The following EPCAM variants were observed in gnomAD, a reference collection of about 807,000 sequenced individuals.
EPCAM encodes the protein adenocarcinoma-associated antigen.
EPCAM carries 39 observed loss-of-function variants against 40.0 expected under a neutral mutation model. The ratio of observed to expected loss-of-function variants is 0.98; its 90% CI spans 0.76 to 1.27. The LOEUF (loss-of-function observed/expected upper bound fraction) is 1.27, where lower values mean the gene tolerates loss of function less well. EPCAM is among the 50% of genes most tolerant of loss of function. The pLI is 0.00. For missense variants in EPCAM, 503 were observed against 381.2 expected (o/e 1.32, Z -2.66); for synonymous variants, 168 against 132.3 (o/e 1.27, Z -1.85).
chr2:47,369,714 C>CG lies in EPCAM; in HGVS notation c.76+135dup, dbSNP rs144077629. The CG allele has an allele frequency of 0.087, 84,065 of 963,994 alleles. 4,685 individuals carry two copies. Among genetic ancestry groups the CG allele is most frequent in the East Asian group, 0.26 (9,772 of 38,168 alleles). The allele number at this position is 963,994 out of a possible 1,614,324, so 59.7% of individuals were successfully genotyped here. A position where few individuals can be genotyped will look rare whatever the true frequency, so the allele number is the denominator to read the frequency against. On this transcript the variant is annotated intron_variant, in intron 1 of 8. Transcript: ENST00000263735. ...CGCGCTTTCCAGCGTGGAGACCGGA[C>CG]GGTGCGGCCGTGCTCCGGCTCAGGC...
At chr2:47,379,537 A>G (rs924675912) in intron 6 of EPCAM, among the ~76,000 whole-genome samples, 1 of 152,210 alleles carries the variant, frequency 6.6e-6, no homozygotes, top group African/African-American at 2.4e-5. Flanking sequence ...TTGGCCTTGC[A>G]TCTGGGTGAT....
chr2:47,378,377 C>T (rs959260951), intron 5 of EPCAM, among the ~76,000 whole-genome samples: 1 of 150,808 alleles, frequency 6.6e-6, no homozygotes, highest in Non-Finnish European at 1.5e-5. Flanking sequence ...TCTCGGCTCA[C>T]CACGACTTTT....
intron 1 of EPCAM, among the ~76,000 whole-genome samples, chr2:47,372,976 C>T (rs891208625): frequency 2.6e-5 from 4 of 151,862 alleles, no homozygotes; most frequent in South Asian, 2.1e-4. Flanking sequence ...GAGGCTGAGG[C>T]AGGAGGATTG....
chr2:47,385,246 T>G (rs1256736956), intron 8 of EPCAM, 36 bp downstream of exon 8: 1 of 1,532,072 alleles, frequency 6.5e-7, no homozygotes, highest in Non-Finnish European at 9.0e-7. Context: ...AAAGGCCCTG[T>G]TGAATCTCTT....
intron 8 of EPCAM, among the ~76,000 whole-genome samples, chr2:47,385,963 G>A (rs1475853916): frequency 6.6e-6 from 1 of 152,146 alleles, no homozygotes; most frequent in Admixed American, 6.6e-5. Flanking sequence ...TAGTGTTGCA[G>A]TGCAGAGCAG....
intron 4 of EPCAM, among the ~76,000 whole-genome samples, chr2:47,375,633 T>C (rs1671402637): frequency 6.6e-6 from 1 of 152,150 alleles, no homozygotes; most frequent in Non-Finnish European, 1.5e-5. Flanking sequence ...CCTAAGTACT[T>C]CAGTGTATGT....
chr2:47,380,341 A>G (rs915664126), intron 7 of EPCAM, among the ~76,000 whole-genome samples: 1 of 152,176 alleles, frequency 6.6e-6, no homozygotes, highest in African/African-American at 2.4e-5. Context: ...AGGAAATATG[A>G]AAAAGTAACA....
intron 1 of EPCAM, chr2:47,369,858 T>C: frequency 5.3e-6 from 3 of 570,006 alleles, no homozygotes; most frequent in Non-Finnish European, 1.0e-5. Context: ...GGGAACGGAG[T>C]GGCCACGTCC....
At position 47,369,497 on chromosome 2, in the gene EPCAM, G is replaced by C. The variant is rs2103737878; in HGVS notation, c.-9G>C. 6.5e-7 allele frequency: 1 copy of C among 1,531,872 alleles called. No individual in the cohort carries two copies. Among genetic ancestry groups the C allele is most frequent in the Non-Finnish European group, 8.7e-7 (1 of 1,144,452 alleles). The allele number at this position is 1,531,872 out of a possible 1,614,324, so 94.9% of individuals were successfully genotyped here. A position where few individuals can be genotyped will look rare whatever the true frequency, so the allele number is the denominator to read the frequency against. On this transcript the variant is annotated 5_prime_UTR_variant, in exon 1 of 9. Coordinates refer to ENST00000263735, the MANE Select transcript of EPCAM (RefSeq NM_002354.3). ...CCTCCCGCGCCCCTCTTCTCGGCGCGCGCGCAGCATGGCGCCCCCGCAGGT... is the reference window on the plus strand; with the variant it reads ...CCTCCCGCGCCCCTCTTCTCGGCGCCCGCGCAGCATGGCGCCCCCGCAGGT...
rs2103771059 is a variant in EPCAM at position 47,386,655 on chromosome 2, G to A, written c.*42G>A. ...TTATAGAAGAAGGGAAATAGCAAATGGACACAAATTACAAATGTGTGTGCG... is the reference window on the plus strand; with the variant it reads ...TTATAGAAGAAGGGAAATAGCAAATAGACACAAATTACAAATGTGTGTGCG... On this transcript the variant is annotated 3_prime_UTR_variant, in exon 9 of 9. Transcript: ENST00000263735. 1 of 1,468,170 alleles carries A rather than the reference G, an allele frequency of 6.8e-7. No individual in the cohort carries two copies. The highest frequency in any genetic ancestry group is 9.5e-7 in the Non-Finnish European group (1 of 1,048,966). 90.9% of individuals were successfully genotyped at this position (1,468,170 alleles called of 1,614,324 possible).
chr2:47,377,997 C>G (rs972079032), intron 5 of EPCAM, among the ~76,000 whole-genome samples: 1 of 151,988 alleles, frequency 6.6e-6, no homozygotes, highest in Admixed American at 6.6e-5. Context: ...CTTTGGGAGG[C>G]CGAGGCAGGT....
chr2:47,377,149 A>G, intron 5 of EPCAM, 72 bp downstream of exon 5: 1 of 988,882 alleles, frequency 1.0e-6, no homozygotes, highest in African/African-American at 1.6e-5. Context: ...AAGGACAGCC[A>G]GTGATTTAAG....
chr2:47,378,227 G>A (rs867738561), intron 5 of EPCAM, among the ~76,000 whole-genome samples: 6 of 151,466 alleles, frequency 4.0e-5, no homozygotes, highest in Non-Finnish European at 8.8e-5. Context: ...GCAAGACTCC[G>A]TCTCAAAAAC....
intron 1 of EPCAM, among the ~76,000 whole-genome samples, chr2:47,370,233 C>T (rs910785402): frequency 1.3e-5 from 2 of 152,092 alleles, no homozygotes; most frequent in Admixed American, 6.6e-5. Flanking sequence ...TTTGAGAATC[C>T]CATAATTAGT....
chr2:47,382,512 C>T (rs776163418), intron 7 of EPCAM, among the ~76,000 whole-genome samples: 11 of 152,068 alleles, frequency 7.2e-5, no homozygotes, highest in East Asian at 1.9e-4. Context: ...CACGGAGAAA[C>T]CCCGTCTCTA....
intron 1 of EPCAM, among the ~76,000 whole-genome samples, chr2:47,370,097 C>A (rs2103739418): frequency 6.6e-6 from 1 of 152,344 alleles, no homozygotes; most frequent in Admixed American, 6.5e-5. Context: ...GCGCGGCAGG[C>A]GGCCCGGACC....
intron 7 of EPCAM, among the ~76,000 whole-genome samples, chr2:47,384,873 A>C (rs1671696695): frequency 6.6e-6 from 1 of 151,838 alleles, no homozygotes. Flanking sequence ...CACCTGGCTA[A>C]TTTTTGTATT....
chr2:47,381,085 C>CA lies in EPCAM; in HGVS notation c.858+1145dup, dbSNP rs60299402. Reference sequence around the variant, plus strand: ...TGGGTGACAGAGCAAGACTCTGTCTCAAAAAAAAAAAAAAAAAAAAAAAAA... The same window carrying CA: ...TGGGTGACAGAGCAAGACTCTGTCTCAAAAAAAAAAAAAAAAAAAAAAAAAA... On this transcript the variant is annotated intron_variant, in intron 7 of 8. Coordinates refer to ENST00000263735, the MANE Select transcript of EPCAM (RefSeq NM_002354.3). Among the ~76,000 whole-genome samples, 18 of 39,014 alleles carry CA rather than the reference C, an allele frequency of 4.6e-4. 2 individuals carry two copies. The highest frequency in any genetic ancestry group is 6.0e-4 in the Non-Finnish European group (14 of 23,218). 25.6% of individuals were successfully genotyped at this position (39,014 alleles called of 152,430 possible). A position where few individuals can be genotyped will look rare whatever the true frequency, so the allele number is the denominator to read the frequency against.
At chr2:47,380,720 C>T (rs1671563558) in intron 7 of EPCAM, among the ~76,000 whole-genome samples, 1 of 152,192 alleles carries the variant, frequency 6.6e-6, no homozygotes, top group East Asian at 1.9e-4. Flanking sequence ...AACAGTGCTT[C>T]AGCAAAAGAA....
Sources: gnomAD v4.1 joint callset for allele counts (sites outside exome capture counted in the v4.1 genomes callset) on GRCh38, gnomAD v4.1.1 for gene constraint, MANE v1.5 for transcripts, NCBI Gene and HGNC (gene_info 2026-07-23, HGNC 2026-07-21) for gene names.